Variants in TSPAN19 observed in about 807,000 individuals in gnomAD.
TSPAN19 encodes tetraspanin-19.
TSPAN19 carries 44 observed loss-of-function variants against 35.1 expected under a neutral mutation model. That is an observed-to-expected ratio of 1.25 (90% CI 0.98 to 1.61). The LOEUF (loss-of-function observed/expected upper bound fraction) is 1.61. Among genes scored for constraint, TSPAN19 ranks in the 40% most tolerant of loss-of-function variants. TSPAN19 has a pLI of 0.00. For synonymous variants in TSPAN19, 79 were observed against 92.0 expected, an observed-to-expected ratio of 0.86 and a Z score of 0.81; for missense variants, 290 against 280.0, an observed-to-expected ratio of 1.04 and a Z score of -0.26.
chr12:85,017,267 G>C (rs571930489), intron 7 of TSPAN19, 189 bp downstream of exon 7: 1 of 556,038 alleles, frequency 1.8e-6, no homozygotes, highest in South Asian at 2.3e-5. Flanking sequence ...TTTACTTTAC[G>C]TATTATACAC....
rs184919362 is a variant in TSPAN19, at chr12:85,019,988, T to A, written c.340-252A>T. Among the ~76,000 whole-genome samples the A allele has an allele frequency of 2.6e-5, 4 of 152,078 alleles. No homozygotes were observed. In the East Asian group the frequency reaches 7.7e-4, roughly 29 times the overall value. Reference sequence around the variant, plus strand: ...TACAATTAAGGAAGAAGTAATGTGCTATTCTCATGCATATCTAAGGGAGAT... The same window carrying A: ...TACAATTAAGGAAGAAGTAATGTGCAATTCTCATGCATATCTAAGGGAGAT... On this transcript the variant is annotated intron_variant, in intron 5 of 8. Coordinates refer to ENST00000532498, the MANE Select transcript of TSPAN19 (RefSeq NM_001100917.2).
At chr12:85,019,941 G>A (rs530457956) in intron 5 of TSPAN19, among the ~76,000 whole-genome samples, 1 of 151,878 alleles carries the variant, frequency 6.6e-6, no homozygotes, top group East Asian at 1.9e-4. Context: ...TAATCTATAG[G>A]AAGAATATAT....
At position 85,017,746 on chromosome 12, in the gene TSPAN19, G is replaced by C. The variant is rs141081067; in HGVS notation, c.451-147C>G. ...TAATGAATTAAATAAGTATATCTGT[G>C]CTTGTTTAATTCATTACTTTGTTTC... On this transcript the variant is annotated intron_variant, in intron 6 of 8. Transcript: ENST00000532498. 5 of 601,434 alleles carry C rather than the reference G, an allele frequency of 8.3e-6. No homozygotes were observed. The East Asian group carries it at 1.5e-4, about 18-fold the overall frequency. The allele number at this position is 601,434 out of a possible 1,614,324, so 37.3% of individuals were successfully genotyped here. A position where few individuals can be genotyped will look rare whatever the true frequency, so the allele number is the denominator to read the frequency against.
At chr12:85,030,332 T>C (rs777904104) in intron 1 of TSPAN19, among the ~76,000 whole-genome samples, 19 of 152,160 alleles carry the variant, frequency 1.2e-4, no homozygotes, top group Non-Finnish European at 1.6e-4. Context: ...TAAATTTTTA[T>C]TTTAATCCTA....
At position 85,023,352 on chromosome 12, in the gene TSPAN19, C is replaced by T. The variant is rs1321779875; in HGVS notation, c.313G>A (p.Ala105Thr). 2 of 1,588,026 alleles carry T rather than the reference C, an allele frequency of 1.3e-6. No homozygotes were observed. Among genetic ancestry groups the T allele is most frequent in the Non-Finnish European group, 1.7e-6 (2 of 1,166,134 alleles). ...WTFAVQVVLS[A>T]FIITKKEEVQ... ...TCCTCTTTCTTTGTGATGATGAATG[C>T]TGAAAGTACAACCTGAACAGCAAAG... Residue 105 changes from alanine to threonine, a missense_variant, in exon 5 of 9, where the codon GCA becomes ACA. Physicochemically the swap from Ala to Thr is moderately conservative, Grantham distance 58. Transcript: ENST00000532498.
At chr12:85,018,313 T>A (rs1876926983) in intron 6 of TSPAN19, among the ~76,000 whole-genome samples, 1 of 151,930 alleles carries the variant, frequency 6.6e-6, no homozygotes, top group African/African-American at 2.4e-5. Context: ...ATGTTTACAA[T>A]ATATACCAAC....
chr12:85,035,939 T>G (rs1432184666), intron 1 of TSPAN19, among the ~76,000 whole-genome samples: 1 of 152,104 alleles, frequency 6.6e-6, no homozygotes, highest in African/African-American at 2.4e-5. Flanking sequence ...TTTTCTTTTC[T>G]TTTTTAAAAA....
chr12:85,015,188 T>TC (rs1876727489), intron 8 of TSPAN19: 1 of 151,918 alleles, frequency 6.6e-6, no homozygotes, highest in South Asian at 2.1e-4. Context: ...AGTGGCATAG[T>TC]CCCCACTATA....
At chr12:85,032,789 T>G (rs1476957365) in intron 1 of TSPAN19, among the ~76,000 whole-genome samples, 1 of 152,286 alleles carries the variant, frequency 6.6e-6, no homozygotes, top group East Asian at 1.9e-4. Flanking sequence ...CTATATTTTC[T>G]TTTGCTATAA....
At chr12:85,022,596 C>T (rs1592662076) in intron 5 of TSPAN19, among the ~76,000 whole-genome samples, 1 of 152,118 alleles carries the variant, frequency 6.6e-6, no homozygotes, top group East Asian at 1.9e-4. Flanking sequence ...TTTACAGATA[C>T]AGCAACAACT....
intron 1 of TSPAN19, 39 bp from the exon 2 acceptor site, chr12:85,030,012 A>G: frequency 1.5e-6 from 2 of 1,310,266 alleles, no homozygotes; most frequent in South Asian, 3.2e-5. Flanking sequence ...ATTCTACACA[A>G]CAACTTTAAA....
chr12:85,027,830 T>C, intron 4 of TSPAN19, 69 bp downstream of exon 4: 2 of 1,423,734 alleles, frequency 1.4e-6, no homozygotes, highest in Non-Finnish European at 1.9e-6. Flanking sequence ...TAAATCAGTA[T>C]TCATTTGTGT....
chr12:85,020,768 G>C (rs1262079144), intron 5 of TSPAN19, among the ~76,000 whole-genome samples: 1 of 151,978 alleles, frequency 6.6e-6, no homozygotes, highest in African/African-American at 2.4e-5. Context: ...ATATGCTTTT[G>C]TCCTCCAATC....
intron 1 of TSPAN19, among the ~76,000 whole-genome samples, chr12:85,035,886 T>C (rs530440557): frequency 6.6e-6 from 1 of 152,268 alleles, no homozygotes; most frequent in African/African-American, 2.4e-5. Flanking sequence ...TTAGAGGTTT[T>C]TGATGGGCAT....
intron 1 of TSPAN19, among the ~76,000 whole-genome samples, chr12:85,034,344 A>G (rs141769365): frequency 6.6e-6 from 1 of 152,152 alleles, no homozygotes; most frequent in African/African-American, 2.4e-5. Flanking sequence ...AACTAAAATG[A>G]TTTCACTACA....
rs1444672116 is a variant in TSPAN19, at chr12:85,036,268, G to A, written c.-92C>T. The A allele has an allele frequency of 6.6e-6, 1 of 152,140 alleles. No individual in the cohort carries two copies. Among genetic ancestry groups the A allele is most frequent in the Non-Finnish European group, 1.5e-5 (1 of 68,024 alleles). 9.4% of individuals were successfully genotyped at this position (152,140 alleles called of 1,614,324 possible). On this transcript the variant is annotated 5_prime_UTR_variant, in exon 1 of 9. Transcript: ENST00000532498. Reference sequence around the variant, plus strand: ...GCTGCGTTCGTTTCAATTTAGAATCGAGATTGTTTGTCCTTCTAGAGCACC... The same window carrying A: ...GCTGCGTTCGTTTCAATTTAGAATCAAGATTGTTTGTCCTTCTAGAGCACC...
intron 1 of TSPAN19, among the ~76,000 whole-genome samples, chr12:85,032,161 TG>T: frequency 6.6e-6 from 1 of 152,218 alleles, no homozygotes; most frequent in South Asian, 2.1e-4. Context: ...AGAATATCTG[TG>T]GGTTATGTCT....
At chr12:85,017,312 T>C (rs1804804662) in intron 7 of TSPAN19, 144 bp downstream of exon 7, 1 of 683,954 alleles carries the variant, frequency 1.5e-6, no homozygotes, top group African/African-American at 1.8e-5. Flanking sequence ...AATTACGTGT[T>C]CAACTTAGGG....
In TSPAN19 at chr12:85,014,766, G is replaced by T. The variant is rs562515321; in HGVS notation, c.679-211C>A. The T allele has an allele frequency of 1.2e-5, 5 of 404,832 alleles. No individual in the cohort carries two copies. In the South Asian group the frequency reaches 2.7e-4, roughly 22 times the overall value. The allele number at this position is 404,832 out of a possible 1,614,324, so 25.1% of individuals were successfully genotyped here. A position where few individuals can be genotyped will look rare whatever the true frequency, so the allele number is the denominator to read the frequency against. Reference sequence around the variant, plus strand: ...ATAACCCACCTGTTACCAAGTTCACGTACAGAGGAGAATAAGGAAAAACCT... The same window carrying T: ...ATAACCCACCTGTTACCAAGTTCACTTACAGAGGAGAATAAGGAAAAACCT... On this transcript the variant is annotated intron_variant, in intron 8 of 8. Coordinates refer to ENST00000532498, the MANE Select transcript of TSPAN19 (RefSeq NM_001100917.2).
Sources: gnomAD v4.1 joint callset for allele counts (sites outside exome capture counted in the v4.1 genomes callset) on GRCh38, gnomAD v4.1.1 for gene constraint, MANE v1.5 for transcripts, NCBI Gene and HGNC (gene_info 2026-07-23, HGNC 2026-07-21) for gene names.